The following TMPRSS9 variants were observed in gnomAD, a reference collection of about 807,000 sequenced individuals.
TMPRSS9 encodes transmembrane serine protease 9.
TMPRSS9 carries 113 observed loss-of-function variants against 111.4 expected under a neutral mutation model. The observed-to-expected ratio is 1.01, with a 90% CI of 0.87 to 1.19. The LOEUF is 1.19. Ranked by LOEUF, TMPRSS9 falls within the 50% of genes most tolerant of loss-of-function variation. The pLI, the probability that TMPRSS9 is intolerant of heterozygous loss-of-function variation, is 0.00. For synonymous variants in TMPRSS9, 805 were observed against 659.1 expected (o/e 1.22, Z -3.39); for missense variants, 1,803 against 1,513.1 (o/e 1.19, Z -3.18).
chr19:2,402,679 G>A (rs1051491484), intron 5 of TMPRSS9, among the ~76,000 whole-genome samples: 3 of 152,118 alleles, frequency 2.0e-5, no homozygotes, highest in Non-Finnish European at 4.4e-5. Context: ...CGGAGGTTGC[G>A]GTGAGCCGCG....
chr19:2,412,921 C>T (rs937431981), intron 9 of TMPRSS9, among the ~76,000 whole-genome samples: 8 of 152,206 alleles, frequency 5.3e-5, no homozygotes, highest in South Asian at 2.1e-4. Flanking sequence ...CGGCCAGGCA[C>T]GGTGGCTCAC....
exon 11 of TMPRSS9, chr19:2,415,812 G>T: frequency 6.2e-7 from 1 of 1,601,518 alleles, no homozygotes; most frequent in Non-Finnish European, 8.5e-7. Context: ...GGGACCGCTG[G>T]CTGCTGTCTG....
At chr19:2,389,750 G>A (rs1195173747), upstream of TMPRSS9, 7 of 1,591,222 alleles carry the variant, frequency 4.4e-6, no homozygotes, top group East Asian at 2.3e-5. Flanking sequence ...GTCTTGCTGT[G>A]TGGCATCCAG....
intron 4 of TMPRSS9, among the ~76,000 whole-genome samples, chr19:2,401,145 G>A (rs574155749): frequency 1.3e-5 from 2 of 152,136 alleles, no homozygotes; most frequent in South Asian, 2.1e-4. Flanking sequence ...GTGGTGGCGG[G>A]CGCCTGTAGT....
At chr19:2,414,314 A>C (rs1234207652) in intron 10 of TMPRSS9, 1 of 226,980 alleles carries the variant, frequency 4.4e-6, no homozygotes, top group Non-Finnish European at 8.6e-6. Context: ...ATCTCGGCTC[A>C]CTGCAACCTC....
At position 2,418,365 on chromosome 19, in the gene TMPRSS9, TCCC is replaced by T. The variant is rs1568189552; in HGVS notation, c.2154+228_2154+230del. Among the ~76,000 whole-genome samples, 15 of 49,820 alleles carry T rather than the reference TCCC, an allele frequency of 3.0e-4. 7 individuals carry two copies. Among genetic ancestry groups the T allele is most frequent in the Non-Finnish European group, 4.4e-4 (12 of 27,388 alleles). The allele number at this position is 49,820 out of a possible 152,430, so 32.7% of individuals were successfully genotyped here. The stretch of plus-strand genomic sequence containing the variant: ...CCTCCCTTTCCCTCCCTCCCTCCCT[TCCC>T]TTCCCTCCCTCCCTTTCCTTCCCTC... On this transcript the variant is annotated intron_variant, in intron 13 of 17. Transcript: ENST00000648592.
intron 4 of TMPRSS9, among the ~76,000 whole-genome samples, chr19:2,400,639 C>T (rs114746217): frequency 1.3e-5 from 2 of 152,012 alleles, no homozygotes; most frequent in Non-Finnish European, 2.9e-5. Flanking sequence ...TACGGTGCAG[C>T]AGGTCATGAT....
chr19:2,415,658 T>G lies in TMPRSS9; in HGVS notation c.1574-12T>G. 13 of 1,575,510 alleles carry G rather than the reference T, an allele frequency of 8.3e-6. No homozygotes were observed. Among genetic ancestry groups the G allele is most frequent in the Non-Finnish European group, 1.1e-5 (13 of 1,156,700 alleles). Reference sequence around the variant, plus strand: ...CAAGATCCCCAGACCTGGTCTTGTGTCCTCCTTCCAGAATGTGGGGCCAGG... The same window carrying G: ...CAAGATCCCCAGACCTGGTCTTGTGGCCTCCTTCCAGAATGTGGGGCCAGG... On this transcript the variant is annotated splice_polypyrimidine_tract_variant and intron_variant, in intron 10 of 17. Coordinates refer to ENST00000648592, the Ensembl canonical transcript of TMPRSS9.
In TMPRSS9 at chr19:2,418,266, G is replaced by GTCCTTCCCTCCTTTTCCTTCCCTCCC. The variant is rs1236979345; in HGVS notation, c.2154+147_2154+148insCCCTCCCTCCTTCCCTCCTTTTCCTT. 4.4e-5 allele frequency: 29 copies of GTCCTTCCCTCCTTTTCCTTCCCTCCC among 658,190 alleles called. 1 individual carries two copies. The African/African-American group carries it at 7.2e-4, about 16-fold the overall frequency. The allele number at this position is 658,190 out of a possible 1,614,324, so 40.8% of individuals were successfully genotyped here. A position where few individuals can be genotyped will look rare whatever the true frequency, so the allele number is the denominator to read the frequency against. ...TCCTTCCCCCCCTCCTTCCCTCCTTGTCCTTCCCTCCTTTTCCTTTCCTCC... is the reference window on the plus strand; with the variant it reads ...TCCTTCCCCCCCTCCTTCCCTCCTTGTCCTTCCCTCCTTTTCCTTCCCTCCCTCCTTCCCTCCTTTTCCTTTCCTCC... On this transcript the variant is annotated intron_variant, in intron 13 of 17. Transcript: ENST00000648592.
At chr19:2,380,091 A>G (rs1970374860) in intron 1 of TMPRSS9, among the ~76,000 whole-genome samples, 1 of 151,990 alleles carries the variant, frequency 6.6e-6, no homozygotes, top group African/African-American at 2.4e-5. Context: ...ACATGGGGCC[A>G]GTGGCTGCCA....
At chr19:2,375,086 C>T (rs1402264461) in intron 1 of TMPRSS9, among the ~76,000 whole-genome samples, 2 of 152,182 alleles carry the variant, frequency 1.3e-5, no homozygotes. Context: ...CTTTTGGTCT[C>T]TTCCTCCACG....
At chr19:2,388,408 G>A (rs1012648218), upstream of TMPRSS9, among the ~76,000 whole-genome samples, 6 of 151,892 alleles carry the variant, frequency 4.0e-5, no homozygotes, top group South Asian at 2.1e-4. Context: ...AAAAGGAGGC[G>A]GGAGGGTGAG....
In TMPRSS9 at chr19:2,413,709, G is replaced by T; in HGVS notation, c.1264G>T (p.Gly422Ter). Residue 422 changes from glycine (G) to a stop codon, truncating the protein, a stop_gained, in exon 10 of 18, where the codon GGA becomes TGA. Transcript: ENST00000648592. LOFTEE classifies it high-confidence loss of function. ...TGTGTTGGTTTCCTAGGGTGACTCA[G>T]GAGGACCCCTGGTCTGCGAGGAGCC... 6.2e-7 allele frequency: 1 copy of T among 1,603,656 alleles called. No homozygotes were observed. The highest frequency in any genetic ancestry group is 8.5e-7 in the Non-Finnish European group (1 of 1,171,756).
chr19:2,376,240 TCC>T (rs1232071703), intron 1 of TMPRSS9, among the ~76,000 whole-genome samples: 2 of 152,020 alleles, frequency 1.3e-5, no homozygotes, highest in Non-Finnish European at 2.9e-5. Context: ...TCTTCCAGTC[TCC>T]CTGACCCTCA....
intron 1 of TMPRSS9, among the ~76,000 whole-genome samples, chr19:2,370,779 A>G (rs763586673): frequency 4.6e-5 from 7 of 151,912 alleles, no homozygotes; most frequent in African/African-American, 7.3e-5. Flanking sequence ...ACAACATTGC[A>G]AGACCTCGTC....
intron 15 of TMPRSS9, among the ~76,000 whole-genome samples, 167 bp downstream of exon 16, chr19:2,424,424 C>T (rs1485282344): frequency 2.0e-5 from 3 of 149,954 alleles, no homozygotes; most frequent in Admixed American, 1.3e-4. Context: ...TCCCCATCCT[C>T]GCTCCCTGCA....
intron 1 of TMPRSS9, among the ~76,000 whole-genome samples, chr19:2,392,359 C>T (rs1168938766): frequency 6.6e-6 from 1 of 151,268 alleles, no homozygotes; most frequent in African/African-American, 2.4e-5. Context: ...CACCACTGCA[C>T]TCCAGCTTGG....
chr19:2,403,129 A>G, exon 6 of TMPRSS9: 1 of 1,612,696 alleles, frequency 6.2e-7, no homozygotes, highest in Non-Finnish European at 8.5e-7. Flanking sequence ...CCAGTGTGTG[A>G]CCAAGGTGAA....
chr19:2,411,387 T>A (rs1971093142), intron 9 of TMPRSS9, among the ~76,000 whole-genome samples: 1 of 137,528 alleles, frequency 7.3e-6, no homozygotes. Flanking sequence ...GGAACCTTCT[T>A]TTTCTTCTTC....
Sources: gnomAD v4.1 joint callset for allele counts (sites outside exome capture counted in the v4.1 genomes callset) on GRCh38, gnomAD v4.1.1 for gene constraint, MANE v1.5 for transcripts, NCBI Gene and HGNC (gene_info 2026-07-23, HGNC 2026-07-21) for gene names.